The following SLC6A4 variants were observed in gnomAD, a reference collection of about 807,000 sequenced individuals.
SLC6A4 encodes sodium-dependent serotonin transporter.
In SLC6A4, 22 loss-of-function variants were observed where a neutral mutation model predicts 73.4. That is an observed-to-expected ratio of 0.30 (90% CI 0.21 to 0.43). The LOEUF is 0.43. Ranked by LOEUF, SLC6A4 falls within the 20% of genes least tolerant of loss-of-function variation. The pLI is 1.00. For missense variants in SLC6A4, 593 were observed against 808.5 expected (o/e 0.73, Z 3.23); for synonymous variants, 270 against 315.5 (o/e 0.86, Z 1.53).
chr17:30,219,636 G>A (rs965979672), intron 3 of SLC6A4, among the ~76,000 whole-genome samples: 6 of 152,178 alleles, frequency 3.9e-5, no homozygotes, highest in African/African-American at 1.2e-4. Flanking sequence ...GGCTGGACAG[G>A]GTAGTTTTTC....
chr17:30,228,184 TG>T (rs1290461277), intron 1 of SLC6A4, among the ~76,000 whole-genome samples: 1 of 152,256 alleles, frequency 6.6e-6, no homozygotes, highest in Non-Finnish European at 1.5e-5. Flanking sequence ...CTGGAATCCC[TG>T]GTCCACCACT....
chr17:30,217,998 A>T, intron 5 of SLC6A4, 120 bp downstream of exon 5: 2 of 738,420 alleles, frequency 2.7e-6, no homozygotes, highest in Non-Finnish European at 4.6e-6. Context: ...CCCACCCCTG[A>T]TAGCTTCATC....
rs202152288 is a variant in SLC6A4 at position 30,221,811 on chromosome 17, C to G, written c.148G>C (p.Val50Leu). 1.6e-5 allele frequency: 26 copies of G among 1,614,096 alleles called. No individual in the cohort carries two copies. Among genetic ancestry groups the G allele is most frequent in the Non-Finnish European group, 2.1e-5 (25 of 1,180,044 alleles). ...SGQISNGYSA[V>L]PSPGAGDDTR... is the part of the protein sequence containing the mutation. The stretch of plus-strand genomic sequence containing the variant: ...TCATCTCCCGCACCAGGACTTGGAA[C>G]TGCTGAGTACCCATTGGATATTTGC... The change falls in exon 3 of 15, where the codon GTT becomes CTT. Residue 50 changes from valine to leucine, a missense_variant. Physicochemically the swap from Val to Leu is conservative, Grantham distance 32. Coordinates refer to ENST00000650711, the MANE Select transcript of SLC6A4 (RefSeq NM_001045.6).
chr17:30,211,268 C>T lies in SLC6A4; in HGVS notation c.1317+44G>A, dbSNP rs377350599. The T allele has an allele frequency of 3.1e-6, 4 of 1,298,082 alleles. No individual in the cohort carries two copies. The highest frequency in any genetic ancestry group is 4.5e-6 in the Non-Finnish European group (4 of 897,958). 80.4% of individuals were successfully genotyped at this position (1,298,082 alleles called of 1,614,324 possible). The stretch of plus-strand genomic sequence containing the variant: ...AGTCCAGCTGAGTCCTCCTCCTTTC[C>T]TCTTCATCCTCCCACAGCCCATTTC... On this transcript the variant is annotated intron_variant, in intron 10 of 14. Coordinates refer to ENST00000650711, the MANE Select transcript of SLC6A4 (RefSeq NM_001045.6). The surrounding 1 kb of genome is among the most constrained non-coding windows in gnomAD (Gnocchi z 4.0).
intron 1 of SLC6A4, among the ~76,000 whole-genome samples, chr17:30,230,069 G>GAAGAAGAAGAAGAAGAAC (rs1907043923): frequency 1.8e-5 from 2 of 111,196 alleles, no homozygotes; most frequent in Non-Finnish European, 3.6e-5. Flanking sequence ...AGAAGAAGAA[G>GAAGAAGAAGAAGAAGAAC]AAGAAGAAGA....
Position 30,218,084 on chromosome 17 carries a change from CT to C in SLC6A4, c.698+33del, listed in dbSNP as rs34459452. 1,226 of 1,579,422 alleles carry C rather than the reference CT, an allele frequency of 7.8e-4. 2 individuals carry two copies. Among genetic ancestry groups the C allele is most frequent in the Non-Finnish European group, 9.2e-4 (1,057 of 1,148,508 alleles). On this transcript the variant is annotated intron_variant, in intron 5 of 14. Coordinates refer to ENST00000650711, the MANE Select transcript of SLC6A4 (RefSeq NM_001045.6). ...CAAACCCCAGGGGTGTGGCCTGCCCCTAACAGGCCAACCCCTCACTTACGTG... is the reference window on the plus strand; with the variant it reads ...CAAACCCCAGGGGTGTGGCCTGCCCCAACAGGCCAACCCCTCACTTACGTG...
chr17:30,209,975 G>A (rs1042256226), intron 11 of SLC6A4, among the ~76,000 whole-genome samples: 7 of 152,028 alleles, frequency 4.6e-5, no homozygotes, highest in Admixed American at 6.6e-5. Flanking sequence ...TGACTCACTG[G>A]GGTTCCACTC....
intron 13 of SLC6A4, 40 bp downstream of exon 13, chr17:30,207,692 T>C (rs1287319164): frequency 5.8e-6 from 8 of 1,373,120 alleles, no homozygotes; most frequent in Non-Finnish European, 8.3e-6. Flanking sequence ...GGGGGAAGTC[T>C]TTCGCCAGGG....
In SLC6A4 at chr17:30,194,998, G is replaced by A. The variant is rs926081799; in HGVS notation, c.*3458C>T. ...GTAGCTTTAAAAAAATACTTGCATT[G>A]GTGGTAGAGCAGCTTGGCATAGATT... On this transcript the variant is annotated 3_prime_UTR_variant, in exon 15 of 15. Coordinates refer to ENST00000650711, the MANE Select transcript of SLC6A4 (RefSeq NM_001045.6). 1.3e-5 allele frequency: 2 copies of A among 152,176 alleles called. No homozygotes were observed. Among genetic ancestry groups the A allele is most frequent in the African/African-American group, 4.8e-5 (2 of 41,440 alleles). 9.4% of individuals were successfully genotyped at this position (152,176 alleles called of 1,614,324 possible).
intron 10 of SLC6A4, 122 bp from the exon 11 acceptor site, chr17:30,210,768 T>A: frequency 9.5e-7 from 1 of 1,051,162 alleles, no homozygotes; most frequent in Non-Finnish European, 1.4e-6. Flanking sequence ...CATCACCAGT[T>A]CCCCGGCTCG....
chr17:30,231,379 A>G (rs927603169), intron 1 of SLC6A4, among the ~76,000 whole-genome samples: 1 of 151,368 alleles, frequency 6.6e-6, no homozygotes, highest in African/African-American at 2.4e-5. Flanking sequence ...GTTTATATAT[A>G]CATATAGTGT....
chr17:30,208,994 G>A (rs1195681380), intron 12 of SLC6A4, 149 bp downstream of exon 12: 6 of 489,540 alleles, frequency 1.2e-5, no homozygotes, highest in Admixed American at 7.2e-5. Flanking sequence ...GAGCCACCGC[G>A]CCTGGCCGAG....
Position 30,196,234 on chromosome 17 carries a change from T to C in SLC6A4, c.*2222A>G, listed in dbSNP as rs910778684. The C allele has an allele frequency of 2.6e-5, 4 of 151,922 alleles. No individual in the cohort carries two copies. The highest frequency in any genetic ancestry group is 6.6e-5 in the Admixed American group (1 of 15,260). The allele number at this position is 151,922 out of a possible 1,614,324, so 9.4% of individuals were successfully genotyped here. A position where few individuals can be genotyped will look rare whatever the true frequency, so the allele number is the denominator to read the frequency against. Reference sequence around the variant, plus strand: ...AAATGCTACATATAGATATAAAAGGTCTTTAAAATATTATTTTAAAATCCA... The same window carrying C: ...AAATGCTACATATAGATATAAAAGGCCTTTAAAATATTATTTTAAAATCCA... On this transcript the variant is annotated 3_prime_UTR_variant, in exon 15 of 15. Transcript: ENST00000650711.
chr17:30,200,163 A>C (rs1346776223), intron 14 of SLC6A4, among the ~76,000 whole-genome samples: 1 of 152,204 alleles, frequency 6.6e-6, no homozygotes, highest in Non-Finnish European at 1.5e-5. Context: ...CGACGTCATA[A>C]AGTCAAACAC....
chr17:30,210,929 G>A (rs1285281686), intron 10 of SLC6A4, among the ~76,000 whole-genome samples: 1 of 152,216 alleles, frequency 6.6e-6, no homozygotes, highest in Admixed American at 6.5e-5. Flanking sequence ...GCACCAGAAA[G>A]GCCAACTCAA....
rs1263356477 is a variant in SLC6A4, at chr17:30,211,063, A to G, written c.1317+249T>C. ...TAATTGGGCCAAGGGACAGTGCTTA[A>G]TAACAGTTCACATATGTGAGCCTTG... On this transcript the variant is annotated intron_variant, in intron 10 of 14. Coordinates refer to ENST00000650711, the MANE Select transcript of SLC6A4 (RefSeq NM_001045.6). This position sits in a 1 kb window ranked among gnomAD's most constrained non-coding sequence, Gnocchi z 4.0. 1.3e-5 allele frequency among the ~76,000 whole-genome samples: 2 copies of G among 152,234 alleles called. No homozygotes were observed. The highest frequency in any genetic ancestry group is 6.5e-5 in the Admixed American group (1 of 15,288).
At chr17:30,218,415 G>C in intron 4 of SLC6A4, 78 bp from the exon 5 acceptor site, 5 of 1,106,844 alleles carry the variant, frequency 4.5e-6, no homozygotes, top group Non-Finnish European at 6.8e-6. Context: ...ACGGGGCACT[G>C]GAGAGCCCCG....
rs1906306919 is a variant in SLC6A4 at position 30,209,251 on chromosome 17, G to A, written c.1450-9C>T. The A allele has an allele frequency of 1.3e-6, 2 of 1,590,262 alleles. No homozygotes were observed. Among genetic ancestry groups the A allele is most frequent in the East Asian group, 2.2e-5 (1 of 44,742 alleles). On this transcript the variant is annotated splice_polypyrimidine_tract_variant and intron_variant, in intron 11 of 14. Transcript: ENST00000650711. ...ACCACGTAGGCCCCTCCCTGGAGGG[G>A]AGAGCAGAGCCTGGGTGAGGGCCCT...
intron 8 of SLC6A4, among the ~76,000 whole-genome samples, chr17:30,214,422 C>CAAAA (rs748274109): frequency 1.3e-3 from 100 of 79,188 alleles, no homozygotes; most frequent in Middle Eastern, 7.8e-3. Context: ...AACTCCGTCT[C>CAAAA]AAAAAAAAAA....
Sources: allele counts gnomAD v4.1 joint callset (sites outside exome capture counted in the v4.1 genomes callset), GRCh38; gene constraint gnomAD v4.1.1; non-coding constraint Gnocchi (gnomAD v3.1); transcripts MANE v1.5; gene names NCBI Gene and HGNC (gene_info 2026-07-23, HGNC 2026-07-21).